FAT3: variants seen among roughly 807,000 people sequenced by gnomAD.
FAT3 encodes the protein FAT atypical cadherin 3.
FAT3 carries 95 observed loss-of-function variants against 310.2 expected under a neutral mutation model. That is an observed-to-expected ratio of 0.31 (90% CI 0.26 to 0.36). The LOEUF (loss-of-function observed/expected upper bound fraction) is 0.36. FAT3 is among the 10% of genes least tolerant of loss of function. The pLI, the probability that FAT3 is intolerant of heterozygous loss-of-function variation, is 1.00. For missense variants in FAT3, 5,408 were observed against 5,715.6 expected (o/e 0.95, Z 1.74); for synonymous variants, 2,314 against 2,192.9 (o/e 1.06, Z -1.54).
chr11:92,545,295 C>A (rs1464608810), intron 3 of FAT3, among the ~76,000 whole-genome samples: 1 of 152,162 alleles, frequency 6.6e-6, no homozygotes, highest in Non-Finnish European at 1.5e-5. Context: ...TGCTTTATTT[C>A]TTTTTATCGC....
intron 3 of FAT3, among the ~76,000 whole-genome samples, chr11:92,605,851 G>A (rs1425993393): frequency 1.3e-5 from 2 of 150,478 alleles, no homozygotes; most frequent in Non-Finnish European, 2.9e-5. Context: ...CTGGTTCAGT[G>A]ACGGATGTGT....
At chr11:92,641,825 T>G (rs1169902821) in intron 3 of FAT3, among the ~76,000 whole-genome samples, 2 of 152,250 alleles carry the variant, frequency 1.3e-5, no homozygotes, top group Non-Finnish European at 2.9e-5. Context: ...TCATTTATGT[T>G]AAGTTTAGAA....
chr11:92,791,947 A>T (rs1947051379), intron 8 of FAT3, among the ~76,000 whole-genome samples: 1 of 152,210 alleles, frequency 6.6e-6, no homozygotes, highest in South Asian at 2.1e-4. Context: ...AAAGTGTGAC[A>T]TTTTATTTAA....
intron 1 of FAT3, among the ~76,000 whole-genome samples, chr11:92,338,275 C>T (rs1020089884): frequency 2.0e-5 from 3 of 151,982 alleles, no homozygotes; most frequent in African/African-American, 7.2e-5. Flanking sequence ...TGGTTTTTAA[C>T]AACATATACT....
rs779970957 is a variant in FAT3, at chr11:92,354,896, T to G, written c.2784T>G (p.Asp928Glu). The G allele has an allele frequency of 6.2e-7, 1 of 1,613,916 alleles. No individual in the cohort carries two copies. Among genetic ancestry groups the G allele is most frequent in the South Asian group, 1.1e-5 (1 of 91,080 alleles). ...SVVTLKVFLD[D>E]VNDCSPAFIP... ...TCACTCTTAAAGTTTTTTTAGATGATGTCAATGACTGCTCCCCAGCTTTCA... is the reference window on the plus strand; with the variant it reads ...TCACTCTTAAAGTTTTTTTAGATGAGGTCAATGACTGCTCCCCAGCTTTCA... Residue 928 changes from aspartate (D) to glutamate (E), a missense_variant, in exon 2 of 28, where the codon GAT becomes GAG. Asp to Glu is a conservative substitution (Grantham distance 45). Around this residue, in one of 5 missense-constraint regions of FAT3, gnomAD observed 4,588 missense variants for 4,809.8 expected, o/e 0.95. Transcript: ENST00000525166.
At chr11:92,767,753 C>T (rs568591426) in intron 6 of FAT3, among the ~76,000 whole-genome samples, 1 of 152,288 alleles carries the variant, frequency 6.6e-6, no homozygotes, top group South Asian at 2.1e-4. Flanking sequence ...TGTCTCCACT[C>T]TTAACCCCTA....
chr11:92,481,324 C>CTA (rs201456637), intron 2 of FAT3, among the ~76,000 whole-genome samples: 2 of 103,004 alleles, frequency 1.9e-5, no homozygotes, highest in Admixed American at 1.2e-4. Context: ...TATTGGGATG[C>CTA]TAGTGATATT....
chr11:92,567,828 T>A (rs2135492722), intron 3 of FAT3, among the ~76,000 whole-genome samples: 1 of 147,532 alleles, frequency 6.8e-6, no homozygotes. Context: ...TAGGTGGGAA[T>A]TGAACAATGA....
chr11:92,353,309 A>G lies in FAT3; in HGVS notation c.1197A>G (p.Lys399=). Residue 399 remains lysine (K), a synonymous_variant, in exon 2 of 28, where the codon AAA becomes AAG. Coordinates refer to ENST00000525166, the MANE Select transcript of FAT3 (RefSeq NM_001367949.2). ...CTGGTGTCGTGGTTGCTATAGTAAA[A>G]TTAAGTCCTGAACCGATAGATGTGG... ...SPPGVVVAIV[K]LSPEPIDVEY... 6.2e-7 allele frequency: 1 copy of G among 1,613,702 alleles called. No homozygotes were observed.
chr11:92,754,142 TA>T (rs1285461674), intron 4 of FAT3, among the ~76,000 whole-genome samples: 1 of 151,808 alleles, frequency 6.6e-6, no homozygotes, highest in Non-Finnish European at 1.5e-5. Flanking sequence ...AATATAATAC[TA>T]AAAAATATAT....
chr11:92,489,687 A>G (rs1952544483), intron 2 of FAT3, among the ~76,000 whole-genome samples: 1 of 152,122 alleles, frequency 6.6e-6, no homozygotes, highest in African/African-American at 2.4e-5. Flanking sequence ...CTAATAGGAC[A>G]TCATTGCTCT....
chr11:92,637,233 C>G (rs1037832807), intron 3 of FAT3, among the ~76,000 whole-genome samples: 56 of 152,102 alleles, frequency 3.7e-4, no homozygotes, highest in African/African-American at 1.3e-3. Context: ...AACCCACTGC[C>G]CCATTGAGTA....
intron 3 of FAT3, among the ~76,000 whole-genome samples, chr11:92,597,563 G>A (rs1309042396): frequency 2.0e-5 from 3 of 152,300 alleles, no homozygotes; most frequent in South Asian, 2.1e-4. Context: ...GTGGAGAGCA[G>A]CAGTAAGAGG....
chr11:92,692,594 T>C (rs913881381), intron 3 of FAT3, among the ~76,000 whole-genome samples: 1 of 152,188 alleles, frequency 6.6e-6, no homozygotes, highest in Admixed American at 6.5e-5. Context: ...GATAAATGAA[T>C]TAATTACATG....
At chr11:92,478,760 G>A (rs1952116780) in intron 2 of FAT3, among the ~76,000 whole-genome samples, 1 of 151,812 alleles carries the variant, frequency 6.6e-6, no homozygotes, top group African/African-American at 2.4e-5. Context: ...GGGATTATAG[G>A]TTCCCACCAC....
intron 22 of FAT3, among the ~76,000 whole-genome samples, chr11:92,876,545 C>T (rs4753423): frequency 0.69 from 104,304 of 152,066 alleles, 35,957 homozygotes; most frequent in Middle Eastern, 0.8. Context: ...CTTGGCTTTG[C>T]GTTTAAGGGC....
intron 4 of FAT3, among the ~76,000 whole-genome samples, chr11:92,712,223 A>T (rs908807698): frequency 2.0e-5 from 3 of 152,140 alleles, no homozygotes; most frequent in Non-Finnish European, 4.4e-5. Context: ...AGGTAGAATA[A>T]GGAGAAAGAA....
At chr11:92,811,452 G>A (rs1450509800) in intron 13 of FAT3, among the ~76,000 whole-genome samples, 1 of 152,164 alleles carries the variant, frequency 6.6e-6, no homozygotes, top group Non-Finnish European at 1.5e-5. Flanking sequence ...TCTGATTAGT[G>A]CACATGGTGT....
intron 1 of FAT3, among the ~76,000 whole-genome samples, chr11:92,276,357 A>G (rs1946271127): frequency 6.6e-6 from 1 of 152,160 alleles, no homozygotes; most frequent in South Asian, 2.1e-4. Flanking sequence ...ATCTTGGTAC[A>G]TGAGGTGGAA....
Sources: allele counts gnomAD v4.1 joint callset (sites outside exome capture counted in the v4.1 genomes callset), GRCh38; gene constraint gnomAD v4.1.1; regional missense constraint gnomAD v4.1.1; transcripts MANE v1.5; gene names NCBI Gene and HGNC (gene_info 2026-07-23, HGNC 2026-07-21).